The following FILIP1L variants were observed in gnomAD, a reference collection of about 807,000 sequenced individuals.
The protein encoded by FILIP1L is filamin A interacting protein 1 like, also known as filamin A-interacting protein 1-like.
FILIP1L carries 55 observed loss-of-function variants against 96.6 expected under a neutral mutation model. That is an observed-to-expected ratio of 0.57 (90% CI 0.46 to 0.71). The LOEUF (loss-of-function observed/expected upper bound fraction) is 0.71, where lower values mean the gene tolerates loss of function less well. FILIP1L is among the 30% of genes least tolerant of loss of function. The probability of loss-of-function intolerance (pLI) is 0.00; values close to 1 mark genes in which losing one functional copy is unlikely to be tolerated. For missense variants in FILIP1L, 1,304 were observed against 1,321.2 expected, an observed-to-expected ratio of 0.99 and a Z score of 0.20; for synonymous variants, 467 against 473.9, an observed-to-expected ratio of 0.99 and a Z score of 0.19.
chr3:99,905,727 C>A (rs1450433404), intron 4 of FILIP1L, among the ~76,000 whole-genome samples: 1 of 152,138 alleles, frequency 6.6e-6, no homozygotes, highest in Non-Finnish European at 1.5e-5. Context: ...GAGAGGTTGC[C>A]ACCATTTGAT....
At chr3:99,865,748 A>G (rs1396169724) in intron 4 of FILIP1L, among the ~76,000 whole-genome samples, 6 of 151,636 alleles carry the variant, frequency 4.0e-5, no homozygotes, top group African/African-American at 1.5e-4. Context: ...TCAAGGGCAT[A>G]ATAATAAATA....
chr3:100,086,214 T>G lies in FILIP1L; in HGVS notation c.-11+27839A>C, dbSNP rs146695787. On this transcript the variant is annotated intron_variant, in intron 1 of 5. Coordinates refer to ENST00000477258, the MANE Select transcript of FILIP1L (RefSeq NM_001387850.1). ...TTGACCTGCCATGGGCTGCTTTATT[T>G]TATTCAGTCTCAAATAGTTAACCTA... is the stretch of plus-strand genomic sequence containing the variant. Among the ~76,000 whole-genome samples, 447 of 152,346 alleles carry G rather than the reference T, an allele frequency of 2.9e-3. 2 individuals are homozygous for G. Among genetic ancestry groups the G allele is most frequent in the African/African-American group, 1.0e-2 (415 of 41,576 alleles).
chr3:100,014,874 C>CTTTTTTTTTTTTTTT (rs200759774), intron 1 of FILIP1L, among the ~76,000 whole-genome samples: 13 of 28,196 alleles, frequency 4.6e-4, no homozygotes, highest in African/African-American at 8.9e-4. Context: ...TTTTTCTTTT[C>CTTTTTTTTTTTTTTT]TTTTTTTTTT....
chr3:99,877,962 C>G (rs188900522), intron 4 of FILIP1L, among the ~76,000 whole-genome samples: 49 of 152,310 alleles, frequency 3.2e-4, no homozygotes, highest in African/African-American at 1.2e-3. Flanking sequence ...TCTCACATAT[C>G]CATACTCAAG....
At chr3:99,992,067 C>T (rs909797198) in intron 1 of FILIP1L, among the ~76,000 whole-genome samples, 1 of 150,388 alleles carries the variant, frequency 6.6e-6, no homozygotes, top group Non-Finnish European at 1.5e-5. Context: ...TATAGTCCTC[C>T]ATTAATGGAC....
At chr3:99,900,622 A>C (rs570532776) in intron 4 of FILIP1L, among the ~76,000 whole-genome samples, 1 of 152,330 alleles carries the variant, frequency 6.6e-6, no homozygotes, top group East Asian at 1.9e-4. Context: ...ATTTCTTCAC[A>C]CACTTAATAT....
intron 1 of FILIP1L, among the ~76,000 whole-genome samples, chr3:100,069,436 T>G (rs1456895822): frequency 6.6e-6 from 1 of 152,142 alleles, no homozygotes; most frequent in Admixed American, 6.5e-5. Context: ...GGCAAGTGGT[T>G]AAGAGAAAGG....
chr3:100,058,505 G>A (rs978840927), intron 1 of FILIP1L, among the ~76,000 whole-genome samples: 7 of 152,116 alleles, frequency 4.6e-5, no homozygotes, highest in Non-Finnish European at 8.8e-5. Flanking sequence ...TCTCTGTCCC[G>A]GCAGCTTGAG....
chr3:100,008,054 C>G (rs561541167), intron 1 of FILIP1L, among the ~76,000 whole-genome samples: 4 of 152,192 alleles, frequency 2.6e-5, no homozygotes, highest in African/African-American at 4.8e-5. Flanking sequence ...TTTCCCTCCT[C>G]CAAGTTGACA....
chr3:99,919,625 G>A (rs141791200), intron 4 of FILIP1L, among the ~76,000 whole-genome samples: 6 of 151,940 alleles, frequency 3.9e-5, no homozygotes, highest in East Asian at 1.9e-4. Flanking sequence ...TTTGAGAGAA[G>A]CCTTTAAAAG....
At chr3:99,985,052 G>C (rs983867016) in intron 1 of FILIP1L, among the ~76,000 whole-genome samples, 1 of 152,170 alleles carries the variant, frequency 6.6e-6, no homozygotes, top group African/African-American at 2.4e-5. Context: ...AGGGTACCAG[G>C]TATATATGGT....
chr3:99,890,857 A>G (rs987931758), intron 4 of FILIP1L, among the ~76,000 whole-genome samples: 3 of 151,674 alleles, frequency 2.0e-5, no homozygotes, highest in Admixed American at 6.6e-5. Context: ...TATTTTCTGT[A>G]TGCTTTCAGA....
At chr3:99,840,221 C>CTTTTTTTT (rs10935982) in intron 5 of FILIP1L, among the ~76,000 whole-genome samples, 1 of 102,144 alleles carries the variant, frequency 9.8e-6, no homozygotes, top group Non-Finnish European at 1.9e-5. Flanking sequence ...TTCGTAGAAT[C>CTTTTTTTT]TTTTTTTTTT....
intron 1 of FILIP1L, among the ~76,000 whole-genome samples, chr3:100,075,813 T>G (rs1346366481): frequency 1.3e-5 from 2 of 152,186 alleles, no homozygotes; most frequent in African/African-American, 2.4e-5. Flanking sequence ...CTGGGGCAAT[T>G]TATCTCTGAG....
chr3:100,085,384 T>A (rs912774810), intron 1 of FILIP1L, among the ~76,000 whole-genome samples: 3 of 152,232 alleles, frequency 2.0e-5, no homozygotes, highest in African/African-American at 4.8e-5. Flanking sequence ...GAAAAATGAC[T>A]GACTTTTACT....
intron 1 of FILIP1L, among the ~76,000 whole-genome samples, chr3:100,062,261 G>T (rs1022134542): frequency 3.3e-5 from 5 of 151,376 alleles, no homozygotes; most frequent in Admixed American, 3.3e-4. Context: ...ACAGGCGCTC[G>T]CCACCACGCC....
intron 4 of FILIP1L, among the ~76,000 whole-genome samples, chr3:99,893,040 C>A (rs1389623444): frequency 1.3e-5 from 2 of 152,012 alleles, no homozygotes; most frequent in Admixed American, 6.6e-5. Context: ...TGCTAAGATG[C>A]AAGCATGATG....
At position 99,848,380 on chromosome 3, in the gene FILIP1L, G is replaced by T. The variant is rs756852166; in HGVS notation, c.3296C>A (p.Ala1099Glu). Residue 1099 changes from alanine (A) to glutamate (E), a missense_variant, in exon 5 of 6, where the codon GCA (alanine) becomes GAA (glutamate). Transcript: ENST00000477258. ...DNRTQGLING[A>E]LNKTTNKVTS... is the part of the protein sequence containing the mutation. ...GACTTTATTGGTTGTTTTGTTTAGT[G>T]CCCCGTTAATTAAGCCTTGAGTTCG... 6.2e-7 allele frequency: 1 copy of T among 1,614,154 alleles called. No homozygotes were observed. Among genetic ancestry groups the T allele is most frequent in the South Asian group, 1.1e-5 (1 of 91,084 alleles).
At chr3:100,050,344 C>G (rs766775845) in intron 1 of FILIP1L, among the ~76,000 whole-genome samples, 20 of 151,976 alleles carry the variant, frequency 1.3e-4, no homozygotes, top group Non-Finnish European at 4.4e-5. Context: ...TCAGAGAAAG[C>G]CATATCTTTT....
Sources: allele counts gnomAD v4.1 joint callset (sites outside exome capture counted in the v4.1 genomes callset), GRCh38; gene constraint gnomAD v4.1.1; transcripts MANE v1.5; gene names NCBI Gene and HGNC (gene_info 2026-07-23, HGNC 2026-07-21).